The following HPSE2 variants were observed in gnomAD, a reference collection of about 807,000 sequenced individuals.
HPSE2 encodes the protein heparanase 2 (inactive), also known as inactive heparanase-2.
HPSE2 carries 38 observed loss-of-function variants against 60.5 expected under a neutral mutation model. The ratio of observed to expected loss-of-function variants is 0.63; its 90% CI spans 0.48 to 0.82. HPSE2 has a LOEUF of 0.82. Among genes scored for constraint, HPSE2 ranks in the 40% least tolerant of loss-of-function variants. The probability of loss-of-function intolerance (pLI) is 0.00; values close to 1 mark genes in which losing one functional copy is unlikely to be tolerated. For synonymous variants in HPSE2, 295 were observed against 293.2 expected (o/e 1.01, Z -0.06); for missense variants, 713 against 740.4 (o/e 0.96, Z 0.43).
At chr10:99,235,964 TCTCTCGCTCG>T, upstream of HPSE2, 1 of 516,932 alleles carries the variant, frequency 1.9e-6, no homozygotes. Context: ...GCTCTCTCTC[TCTCTCGCTCG>T]CTCGCTCGCT....
chr10:98,488,914 C>A (rs1280594632), intron 10 of HPSE2, among the ~76,000 whole-genome samples: 1 of 151,726 alleles, frequency 6.6e-6, no homozygotes, highest in Non-Finnish European at 1.5e-5. Context: ...CTGGCCCCTG[C>A]CCCCCCTCTC....
chr10:98,671,835 C>A (rs1278826355), intron 6 of HPSE2, among the ~76,000 whole-genome samples: 2 of 152,048 alleles, frequency 1.3e-5, no homozygotes, highest in African/African-American at 4.8e-5. Flanking sequence ...ATGAAAGGCA[C>A]CCCAGGGAGA....
intron 2 of HPSE2, among the ~76,000 whole-genome samples, chr10:99,176,901 C>T (rs1230773577): frequency 1.3e-5 from 2 of 151,960 alleles, no homozygotes; most frequent in African/African-American, 4.8e-5. Context: ...AAGGGAAGCC[C>T]ATCAGACTAA....
intron 2 of HPSE2, among the ~76,000 whole-genome samples, chr10:99,152,884 G>C (rs974074198): frequency 1.3e-5 from 2 of 152,254 alleles, no homozygotes; most frequent in African/African-American, 2.4e-5. Flanking sequence ...GCGCGGGTCA[G>C]TGGGTGCGCG....
intron 3 of HPSE2, among the ~76,000 whole-genome samples, chr10:98,761,944 CCAGA>C (rs1243927267): frequency 2.2e-4 from 33 of 151,976 alleles, no homozygotes; most frequent in Admixed American, 1.4e-3. Context: ...CCGCAACATG[CCAGA>C]CAGTTTGAGA....
intron 9 of HPSE2, among the ~76,000 whole-genome samples, chr10:98,601,495 A>G (rs1027581422): frequency 1.3e-5 from 2 of 152,214 alleles, no homozygotes; most frequent in African/African-American, 4.8e-5. Context: ...TGTTGGGAGA[A>G]GTAGTTGACT....
At chr10:98,746,858 T>C (rs1425053794) in intron 3 of HPSE2, among the ~76,000 whole-genome samples, 3 of 151,796 alleles carry the variant, frequency 2.0e-5, no homozygotes, top group African/African-American at 4.8e-5. Context: ...GTATCCTTTG[T>C]GGGGAGAGGG....
At chr10:98,487,383 T>G (rs1200687084) in intron 10 of HPSE2, among the ~76,000 whole-genome samples, 1 of 152,146 alleles carries the variant, frequency 6.6e-6, no homozygotes, top group East Asian at 1.9e-4. Flanking sequence ...GGCGGTGAGG[T>G]ATCCACATAG....
chr10:99,277,370 A>T, the HPSE2 span, among the ~76,000 whole-genome samples: 6 of 152,238 alleles, frequency 3.9e-5, no homozygotes, highest in South Asian at 1.2e-3. Flanking sequence ...TAGAACCAAC[A>T]AGTAAAAAGT....
intron 9 of HPSE2, among the ~76,000 whole-genome samples, chr10:98,570,813 CT>C (rs1473282562): frequency 1.9e-5 from 1 of 53,510 alleles, no homozygotes; most frequent in Non-Finnish European, 5.0e-5. Flanking sequence ...TGTCTTCTGG[CT>C]CTAAGTTTGG....
chr10:99,293,352 T>A, the HPSE2 span, among the ~76,000 whole-genome samples: 1 of 152,168 alleles, frequency 6.6e-6, no homozygotes, highest in Non-Finnish European at 1.5e-5. Flanking sequence ...ATTGAGAGAA[T>A]GGGATTTGAA....
intron 3 of HPSE2, among the ~76,000 whole-genome samples, chr10:98,755,945 G>T (rs565761171): frequency 6.6e-6 from 1 of 152,112 alleles, no homozygotes; most frequent in Non-Finnish European, 1.5e-5. Flanking sequence ...GCAGTGAGCC[G>T]AGATGGTGCC....
chr10:98,620,469 T>A lies in HPSE2; in HGVS notation c.1205+133A>T. On this transcript the variant is annotated intron_variant, in intron 8 of 11. Coordinates refer to ENST00000370552, the MANE Select transcript of HPSE2 (RefSeq NM_021828.5). ...ATTGTTGAATGGTTTAAGACACACA[T>A]GAATGAATGAAATGAACTTTCAACG... 3 of 714,378 alleles carry A rather than the reference T, an allele frequency of 4.2e-6. No individual in the cohort carries two copies. The Admixed American group carries it at 6.0e-5, about 14-fold the overall frequency. The allele number at this position is 714,378 out of a possible 1,614,324, so 44.3% of individuals were successfully genotyped here. A position where few individuals can be genotyped will look rare whatever the true frequency, so the allele number is the denominator to read the frequency against.
chr10:99,073,646 T>TA lies in HPSE2; in HGVS notation c.610+70591dup, dbSNP rs1842868396. Among the ~76,000 whole-genome samples, 3 of 152,224 alleles carry TA rather than the reference T, an allele frequency of 2.0e-5. No individual in the cohort carries two copies. The South Asian group carries it at 6.2e-4, about 32-fold the overall frequency. On this transcript the variant is annotated intron_variant, in intron 3 of 11. Coordinates refer to ENST00000370552, the MANE Select transcript of HPSE2 (RefSeq NM_021828.5). ...TGGAACTTAAAATACAAAATAAGGT[T>TA]AAAAAAATAATAATAATATTCAGTC...
intron 3 of HPSE2, among the ~76,000 whole-genome samples, chr10:99,118,734 G>A (rs187926134): frequency 2.6e-5 from 4 of 151,624 alleles, no homozygotes; most frequent in Admixed American, 6.6e-5. Context: ...AGGGCATCCC[G>A]GGCCGAGTGT....
chr10:99,247,265 C>A, the HPSE2 span, among the ~76,000 whole-genome samples: 882 of 152,280 alleles, frequency 5.8e-3, 11 homozygotes, highest in African/African-American at 0.02. Context: ...ATTTTTAAAC[C>A]TTTTGGTAAA....
chr10:99,186,104 C>CCACACACACACACACA lies in HPSE2; in HGVS notation c.449-41721_449-41706dup, dbSNP rs527839752. On this transcript the variant is annotated intron_variant, in intron 2 of 11. Coordinates refer to ENST00000370552, the MANE Select transcript of HPSE2 (RefSeq NM_021828.5). ...TGATAACACTAAGCAGGATAAATAA[C>CCACACACACACACACA]CACACACACACACACACACACACAC... is the stretch of plus-strand genomic sequence containing the variant. Among the ~76,000 whole-genome samples the CCACACACACACACACA allele has an allele frequency of 9.4e-4, 76 of 80,734 alleles. 3 individuals are homozygous for CCACACACACACACACA. Among genetic ancestry groups the CCACACACACACACACA allele is most frequent in the Non-Finnish European group, 1.6e-3 (56 of 34,696 alleles). The allele number at this position is 80,734 out of a possible 152,430, so 53.0% of individuals were successfully genotyped here.
rs1219707339 is a variant in HPSE2 at position 99,097,392 on chromosome 10, A to T, written c.610+46846T>A. On this transcript the variant is annotated intron_variant, in intron 3 of 11. Transcript: ENST00000370552. The stretch of plus-strand genomic sequence containing the variant: ...AGAGACATTTGATCATTTGAATAAT[A>T]TTAAAAAATTTTATGTATTTAATGT... Among the ~76,000 whole-genome samples, 3 of 152,224 alleles carry T rather than the reference A, an allele frequency of 2.0e-5. No homozygotes were observed. In the East Asian group the frequency reaches 5.8e-4, roughly 29 times the overall value.
intron 3 of HPSE2, among the ~76,000 whole-genome samples, chr10:98,767,991 G>A (rs993700144): frequency 6.7e-6 from 1 of 150,366 alleles, no homozygotes; most frequent in Non-Finnish European, 1.5e-5. Flanking sequence ...ATAACTATCT[G>A]TTTATATAGT....
Sources: allele counts gnomAD v4.1 joint callset (sites outside exome capture counted in the v4.1 genomes callset), GRCh38; gene constraint gnomAD v4.1.1; transcripts MANE v1.5; gene names NCBI Gene and HGNC (gene_info 2026-07-23, HGNC 2026-07-21).